BCORL1: variants seen among roughly 807,000 people sequenced by gnomAD.
BCORL1 encodes the protein BCL-6 corepressor-like protein 1.
Under a neutral mutation model 87.6 loss-of-function variants are expected in BCORL1, and 7 were observed. The observed-to-expected ratio is 0.08, with a 90% CI of 0.05 to 0.15. The LOEUF (loss-of-function observed/expected upper bound fraction) is 0.15, where lower values mean the gene tolerates loss of function less well. BCORL1 is among the 10% of genes least tolerant of loss of function. BCORL1 has a pLI of 1.00. For synonymous variants in BCORL1, 591 were observed against 634.4 expected, an observed-to-expected ratio of 0.93 and a Z score of 1.03; for missense variants, 1,215 against 1,499.7, an observed-to-expected ratio of 0.81 and a Z score of 3.13.
intron 1 of BCORL1, among the ~76,000 whole-genome samples, chrX:130,002,065 G>A (rs752908490): frequency 1.8e-5 from 2 of 110,216 alleles, no homozygotes; most frequent in African/African-American, 3.3e-5. Flanking sequence ...GAATATGGGC[G>A]GCAGGGGAGA....
intron 11 of BCORL1, among the ~76,000 whole-genome samples, chrX:130,041,990 A>G (rs779404130): frequency 9.0e-6 from 1 of 111,511 alleles, no homozygotes; most frequent in Non-Finnish European, 1.9e-5. Context: ...GTATGTACGT[A>G]TATGTGTTTA....
At chrX:130,005,054 A>T in intron 1 of BCORL1, 134 bp from the exon 2 acceptor site, 1 of 402,348 alleles carries the variant, frequency 2.5e-6, no homozygotes, top group Non-Finnish European at 4.3e-6. Context: ...TTTAGACCTT[A>T]ATTTTCCATA....
chrX:130,003,649 G>A (rs890178892), intron 1 of BCORL1, among the ~76,000 whole-genome samples: 1 of 111,654 alleles, frequency 9.0e-6, no homozygotes, highest in Non-Finnish European at 1.9e-5. Flanking sequence ...GGGATTACAG[G>A]CATGAGCCAC....
Position 130,037,552 on chromosome X carries a change from C to T in BCORL1, c.4694+19C>T. On this transcript the variant is annotated intron_variant, in intron 10 of 13. Transcript: ENST00000540052. ...GCACGAGGCAAGAGGGCTGCATCTCCCCCCAGTCCCGCCCTCACTCCCAGC... is the reference window on the plus strand; with the variant it reads ...GCACGAGGCAAGAGGGCTGCATCTCTCCCCAGTCCCGCCCTCACTCCCAGC... The T allele has an allele frequency of 8.4e-7, 1 of 1,189,429 alleles. No individual in the cohort carries two copies. Among genetic ancestry groups the T allele is most frequent in the South Asian group, 1.9e-5 (1 of 53,548 alleles).
intron 1 of BCORL1, among the ~76,000 whole-genome samples, chrX:129,997,111 A>C (rs1356792977): frequency 9.0e-6 from 1 of 111,148 alleles, no homozygotes; most frequent in Admixed American, 9.7e-5. Flanking sequence ...GAAACAAAAA[A>C]ATCCTATCCC....
At chrX:130,047,448 G>T (rs1430336075) in intron 11 of BCORL1, among the ~76,000 whole-genome samples, 1 of 112,098 alleles carries the variant, frequency 8.9e-6, no homozygotes, top group Non-Finnish European at 1.9e-5. Context: ...GCCACTCATG[G>T]GCCTGTTTGA....
At chrX:129,999,098 G>C (rs1471293868) in intron 1 of BCORL1, among the ~76,000 whole-genome samples, 2 of 101,912 alleles carry the variant, frequency 2.0e-5, no homozygotes, top group Non-Finnish European at 4.0e-5. Context: ...CTTTATCTAG[G>C]TGATGTTGTA....
chrX:130,047,623 G>T (rs1931834610), intron 11 of BCORL1, among the ~76,000 whole-genome samples: 1 of 112,352 alleles, frequency 8.9e-6, no homozygotes, highest in African/African-American at 3.2e-5. Flanking sequence ...GTGAGTTAGG[G>T]CTGCTCCGAT....
rs187980731 is a variant in BCORL1 at position 130,052,069 on chromosome X, T to C, written c.5075+53T>C. 4.9e-5 allele frequency: 54 copies of C among 1,092,750 alleles called. 1 individual carries two copies. In the African/African-American group the frequency reaches 8.3e-4, roughly 17 times the overall value. 90.1% of individuals were successfully genotyped at this position (1,092,750 alleles called of 1,213,427 possible). On this transcript the variant is annotated intron_variant, in intron 13 of 13. Coordinates refer to ENST00000540052, the MANE Select transcript of BCORL1 (RefSeq NM_001379451.1). ...TGAGTGTCAGGATCCTGGCACTCAG[T>C]AGGAAGGTGGAGTTCTCCACGAGGA...
chrX:129,988,456 CT>C (rs907795763), intron 1 of BCORL1, among the ~76,000 whole-genome samples: 5 of 108,544 alleles, frequency 4.6e-5, no homozygotes, highest in African/African-American at 1.0e-4. Context: ...AAAAAAGGAT[CT>C]TTTTTTTAAA....
intron 11 of BCORL1, among the ~76,000 whole-genome samples, chrX:130,040,737 G>T (rs751279598): frequency 8.9e-6 from 1 of 112,339 alleles, no homozygotes; most frequent in Non-Finnish European, 1.9e-5. Flanking sequence ...GCAAGCCACC[G>T]TTGGTAGCTG....
chrX:130,046,097 C>A (rs1340777755), intron 11 of BCORL1, among the ~76,000 whole-genome samples: 3 of 109,396 alleles, frequency 2.7e-5, no homozygotes, highest in African/African-American at 1.0e-4. Context: ...TCATGGGCAA[C>A]AGAGTGATTC....
intron 11 of BCORL1, among the ~76,000 whole-genome samples, chrX:130,049,116 G>C (rs5977195): frequency 0.11 from 11,925 of 112,177 alleles, 1,566 homozygotes; most frequent in African/African-American, 0.36. Flanking sequence ...TGCACACAGA[G>C]AGGTACTTGT....
At chrX:129,992,201 C>T (rs955412263) in intron 1 of BCORL1, among the ~76,000 whole-genome samples, 2 of 109,678 alleles carry the variant, frequency 1.8e-5, no homozygotes, top group African/African-American at 3.3e-5. Flanking sequence ...TTTGGGAGGC[C>T]GAGGCTAGCA....
rs761452039 is a variant in BCORL1 at position 130,013,243 on chromosome X, C to T, written c.471C>T (p.Ala157=). 1.5e-5 allele frequency: 18 copies of T among 1,210,403 alleles called. No individual in the cohort carries two copies. The Admixed American group carries it at 2.6e-4, about 18-fold the overall frequency. Residue 157 remains alanine, a synonymous_variant, in exon 4 of 14, where the codon GCC becomes GCT. Transcript: ENST00000540052. ...QMSKQVDCSP[A]GVKALDSRQG... is the part of the protein sequence containing the mutation. ...GCAAACAGGTTGACTGCTCACCCGCCGGAGTAAAGGCTTTGGACTCTCGGC... is the reference window on the plus strand; with the variant it reads ...GCAAACAGGTTGACTGCTCACCCGCTGGAGTAAAGGCTTTGGACTCTCGGC...
At position 130,021,014 on chromosome X, in the gene BCORL1, A is replaced by G; in HGVS notation, c.3471A>G (p.Glu1157=). 3 of 1,177,672 alleles carry G rather than the reference A, an allele frequency of 2.5e-6. No homozygotes were observed. Among genetic ancestry groups the G allele is most frequent in the Non-Finnish European group, 3.4e-6 (3 of 883,417 alleles). ...GGAAGCTGCCCAGTGACCCCCAGGAATCCACCAAGAAAAGCCCCAGGGGGG... is the reference window on the plus strand; with the variant it reads ...GGAAGCTGCCCAGTGACCCCCAGGAGTCCACCAAGAAAAGCCCCAGGGGGG... The part of the protein sequence containing the change: ...KCRKLPSDPQ[E]STKKSPRGAS... The change falls in exon 5 of 14, where the codon GAA becomes GAG. Residue 1157 remains glutamate (E), a synonymous_variant. Coordinates refer to ENST00000540052, the MANE Select transcript of BCORL1 (RefSeq NM_001379451.1).
intron 1 of BCORL1, among the ~76,000 whole-genome samples, chrX:130,000,362 A>G (rs1927951272): frequency 8.9e-6 from 1 of 112,485 alleles, no homozygotes. Context: ...AAATGGGGAT[A>G]TTCCAAGATA....
intron 1 of BCORL1, among the ~76,000 whole-genome samples, chrX:129,990,853 G>A (rs1379034494): frequency 1.8e-5 from 2 of 111,314 alleles, no homozygotes; most frequent in Admixed American, 9.6e-5. Context: ...GGAACATTTC[G>A]GGCCATGGGT....
At chrX:130,005,369 G>T (rs376483067) in intron 2 of BCORL1, 52 bp downstream of exon 2, 2 of 1,056,164 alleles carry the variant, frequency 1.9e-6, no homozygotes, top group Non-Finnish European at 1.3e-6. Flanking sequence ...GCAGTACCTC[G>T]TCACCAGAGG....
Sources: allele counts gnomAD v4.1 joint callset (sites outside exome capture counted in the v4.1 genomes callset), GRCh38; gene constraint gnomAD v4.1.1; transcripts MANE v1.5; gene names NCBI Gene and HGNC (gene_info 2026-07-23, HGNC 2026-07-21).